Variants in LCOR observed in about 807,000 individuals in gnomAD.
LCOR encodes the protein ligand dependent nuclear receptor corepressor, also known as ligand-dependent corepressor.
In LCOR, 14 loss-of-function variants were observed where a neutral mutation model predicts 64.4. The observed-to-expected ratio is 0.22, with a 90% CI of 0.14 to 0.34. LCOR has a LOEUF of 0.34. LCOR is among the 10% of genes least tolerant of loss of function. LCOR has a pLI of 1.00. For missense variants in LCOR, 1,686 were observed against 1,765.3 expected (o/e 0.96, Z 0.80); for synonymous variants, 643 against 642.5 (o/e 1.00, Z -0.01).
chr10:96,850,501 TA>T (rs1194648749), intron 2 of LCOR, among the ~76,000 whole-genome samples: 4 of 152,212 alleles, frequency 2.6e-5, no homozygotes, highest in African/African-American at 9.6e-5. Flanking sequence ...TTTATTTATT[TA>T]TTTTTTTGAG....
intron 2 of LCOR, among the ~76,000 whole-genome samples, chr10:96,865,613 G>A (rs1011720115): frequency 4.6e-5 from 7 of 152,100 alleles, no homozygotes; most frequent in Non-Finnish European, 7.4e-5. Flanking sequence ...GGTGGCTCAC[G>A]CCTGTAATCC....
intron 2 of LCOR, among the ~76,000 whole-genome samples, chr10:96,852,826 C>A (rs1182641968): frequency 5.3e-5 from 8 of 152,172 alleles, no homozygotes; most frequent in Admixed American, 2.6e-4. Context: ...ATTTTTGTAT[C>A]ATTGTTTATA....
chr10:96,842,892 A>G (rs1293852931), intron 2 of LCOR, among the ~76,000 whole-genome samples: 8 of 152,176 alleles, frequency 5.3e-5, no homozygotes, highest in African/African-American at 1.2e-4. Flanking sequence ...TGGCCCCCCA[A>G]ATTGCTGGGA....
At chr10:96,835,444 A>G (rs2134356505) in intron 2 of LCOR, among the ~76,000 whole-genome samples, 1 of 152,342 alleles carries the variant, frequency 6.6e-6, no homozygotes, top group East Asian at 1.9e-4. Flanking sequence ...CTCAACTAAA[A>G]TCAGTGGGGC....
At chr10:96,835,051 C>T (rs1172185427) in intron 2 of LCOR, among the ~76,000 whole-genome samples, 1 of 152,180 alleles carries the variant, frequency 6.6e-6, no homozygotes, top group Non-Finnish European at 1.5e-5. Flanking sequence ...CAGGCGTGCG[C>T]CACCACGCCC....
chr10:96,862,113 A>T (rs1000522572), intron 2 of LCOR, among the ~76,000 whole-genome samples: 9 of 152,292 alleles, frequency 5.9e-5, no homozygotes, highest in African/African-American at 1.7e-4. Context: ...AGGTGAAGAG[A>T]TGCATAGGGC....
chr10:96,966,960 T>TC (rs758431424), intron 7 of LCOR, among the ~76,000 whole-genome samples: 25 of 152,180 alleles, frequency 1.6e-4, no homozygotes, highest in Non-Finnish European at 3.4e-4. Flanking sequence ...GGTCTCGAAC[T>TC]CCTGAGCACA....
chr10:96,979,663 G>T (rs189142058), intron 7 of LCOR, among the ~76,000 whole-genome samples: 1 of 152,196 alleles, frequency 6.6e-6, no homozygotes, highest in African/African-American at 2.4e-5. Context: ...TGACAGGCCT[G>T]TACAGTTTAG....
intron 2 of LCOR, among the ~76,000 whole-genome samples, chr10:96,855,218 GA>G (rs1191954506): frequency 6.6e-6 from 1 of 152,164 alleles, no homozygotes; most frequent in African/African-American, 2.4e-5. Context: ...ACCATGGGGG[GA>G]GAGCTTGCCT....
chr10:96,920,218 CTCGT>C (rs1847023919), intron 4 of LCOR, among the ~76,000 whole-genome samples: 1 of 151,326 alleles, frequency 6.6e-6, no homozygotes, highest in African/African-American at 2.4e-5. Context: ...GAAGTAGTAT[CTCGT>C]TGTGGTTTTG....
At chr10:96,854,607 T>G (rs1234986341) in intron 2 of LCOR, among the ~76,000 whole-genome samples, 1 of 152,102 alleles carries the variant, frequency 6.6e-6, no homozygotes, top group South Asian at 2.1e-4. Flanking sequence ...GATTACAGGC[T>G]TGAGCCACCG....
At chr10:96,903,574 G>T (rs969798302) in intron 2 of LCOR, among the ~76,000 whole-genome samples, 3 of 151,904 alleles carry the variant, frequency 2.0e-5, no homozygotes, top group Non-Finnish European at 4.4e-5. Context: ...CAGAGGAGAG[G>T]TTCCCAAGAC....
intron 2 of LCOR, among the ~76,000 whole-genome samples, chr10:96,895,011 G>A (rs187876474): frequency 6.6e-6 from 1 of 152,242 alleles, no homozygotes; most frequent in Non-Finnish European, 1.5e-5. Flanking sequence ...ACATTGGAAT[G>A]CTCCAGTATT....
intron 4 of LCOR, among the ~76,000 whole-genome samples, chr10:96,908,736 G>A (rs1846774005): frequency 7.0e-6 from 1 of 143,186 alleles, no homozygotes; most frequent in South Asian, 2.2e-4. Flanking sequence ...TTTTTTTTGA[G>A]ATGGAGTCTC....
intron 2 of LCOR, among the ~76,000 whole-genome samples, chr10:96,837,935 T>C (rs1214720644): frequency 6.6e-6 from 1 of 152,234 alleles, no homozygotes; most frequent in Non-Finnish European, 1.5e-5. Context: ...GTTTGTGATA[T>C]TGGATAGATG....
In LCOR at chr10:96,981,445, A is replaced by G; in HGVS notation, c.985A>G (p.Asn329Asp). Residue 329 changes from asparagine to aspartate, a missense_variant, in exon 8 of 8, where the codon AAT (asparagine) becomes GAT (aspartate). Physicochemically the swap from Asn to Asp is conservative, Grantham distance 23. Coordinates refer to ENST00000421806, the MANE Select transcript of LCOR (RefSeq NM_001346516.2). ...SLITVKMAAE[N>D]SEEGNTCIIP... The stretch of plus-strand genomic sequence containing the variant: ...AATTACAGTAAAAATGGCAGCTGAG[A>G]ATAGTGAGGAAGGCAATACCTGTAT... 6.2e-7 allele frequency: 1 copy of G among 1,614,212 alleles called. No individual in the cohort carries two copies. Among genetic ancestry groups the G allele is most frequent in the Non-Finnish European group, 8.5e-7 (1 of 1,180,026 alleles).
chr10:96,895,203 T>C (rs1286714714), intron 2 of LCOR, among the ~76,000 whole-genome samples: 2 of 152,334 alleles, frequency 1.3e-5, no homozygotes, highest in Non-Finnish European at 2.9e-5. Context: ...CTAAGTAGCA[T>C]CTCAGACTTA....
intron 4 of LCOR, among the ~76,000 whole-genome samples, chr10:96,940,981 G>A (rs1401989392): frequency 7.1e-4 from 98 of 137,828 alleles, no homozygotes; most frequent in Admixed American, 1.6e-3. Context: ...GGGCAGAGGC[G>A]CCCCTCACCT....
intron 7 of LCOR, chr10:96,959,160 C>T (rs1200173116): frequency 1.3e-5 from 2 of 151,884 alleles, no homozygotes; most frequent in African/African-American, 2.4e-5. Context: ...TGTATTGGCA[C>T]TTTCAGTGTA....
Sources: allele counts gnomAD v4.1 joint callset (sites outside exome capture counted in the v4.1 genomes callset), GRCh38; gene constraint gnomAD v4.1.1; transcripts MANE v1.5; gene names NCBI Gene and HGNC (gene_info 2026-07-23, HGNC 2026-07-21).